The following LAMB1 variants were observed in gnomAD, a reference collection of about 807,000 sequenced individuals.
LAMB1 encodes the protein laminin subunit beta 1.
LAMB1 carries 121 observed loss-of-function variants against 222.3 expected under a neutral mutation model. That is an observed-to-expected ratio of 0.54 (90% confidence interval 0.47 to 0.63). The LOEUF (loss-of-function observed/expected upper bound fraction) is 0.63, where lower values mean the gene tolerates loss of function less well. LAMB1 is among the 30% of genes least tolerant of loss of function. LAMB1 has a pLI of 0.00. For missense variants in LAMB1, 2,172 were observed against 2,240.8 expected (o/e 0.97, Z 0.62); for synonymous variants, 794 against 807.2 (o/e 0.98, Z 0.28).
At position 107,978,152 on chromosome 7, in the gene LAMB1, T is replaced by G. The variant is rs752042998; in HGVS notation, c.895A>C (p.Met299Leu). ...AAGCCCTTGGTGTTATGCCTGCACA[T>G]GCAGTGTCCGTGAACCTTGAAAGTT... is the stretch of plus-strand genomic sequence containing the variant. ...EVEGMVHGHCMCRHNTKGLNC... is the reference protein window; with the variant it reads ...EVEGMVHGHCLCRHNTKGLNC... Residue 299 changes from methionine to leucine, a missense_variant, in exon 9 of 34, where the codon ATG becomes CTG. Met to Leu is a conservative substitution (Grantham distance 15, BLOSUM62 2). Coordinates refer to ENST00000222399, the MANE Select transcript of LAMB1 (RefSeq NM_002291.3). 3 of 1,614,036 alleles carry G rather than the reference T, an allele frequency of 1.9e-6. No individual in the cohort carries two copies. Among genetic ancestry groups the G allele is most frequent in the Admixed American group, 3.3e-5 (2 of 60,012 alleles).
intron 2 of LAMB1, chr7:108,002,038 TCCC>T: frequency 8.3e-6 from 12 of 1,440,788 alleles, no homozygotes; most frequent in Non-Finnish European, 1.1e-5. Context: ...GGGGAGCAGC[TCCC>T]CCAACAAAGG....
At chr7:107,989,698 C>T (rs1002253047) in intron 5 of LAMB1, among the ~76,000 whole-genome samples, 3 of 152,152 alleles carry the variant, frequency 2.0e-5, no homozygotes, top group Non-Finnish European at 4.4e-5. Flanking sequence ...TGGCAAACTC[C>T]CCGTGAGAGC....
intron 7 of LAMB1, among the ~76,000 whole-genome samples, chr7:107,981,433 A>G (rs1262909366): frequency 2.1e-5 from 3 of 143,248 alleles, no homozygotes; most frequent in Admixed American, 7.1e-5. Flanking sequence ...GAACGACAAG[A>G]GCAAAACTGT....
intron 13 of LAMB1, among the ~76,000 whole-genome samples, chr7:107,964,982 T>G (rs976181785): frequency 6.6e-6 from 1 of 152,212 alleles, no homozygotes; most frequent in Non-Finnish European, 1.5e-5. Context: ...TGCTTTGGCA[T>G]GTTACATCTT....
In LAMB1 at chr7:107,985,959, A is replaced by AAAAAC. The variant is rs937323537; in HGVS notation, c.676+58_676+62dup. On this transcript the variant is annotated intron_variant, in intron 7 of 33. Coordinates refer to ENST00000222399, the MANE Select transcript of LAMB1 (RefSeq NM_002291.3). ...GCAACAAGAGCGGAACTCTGTCTCA[A>AAAAAC]AAAACAAAACAAAACAAACAAACAA... The AAAAAC allele has an allele frequency of 1.6e-4, 220 of 1,364,382 alleles. 1 individual carries two copies. In the East Asian group the frequency reaches 4.7e-3, roughly 29 times the overall value. 84.5% of individuals were successfully genotyped at this position (1,364,382 alleles called of 1,614,324 possible). A position where few individuals can be genotyped will look rare whatever the true frequency, so the allele number is the denominator to read the frequency against.
At chr7:107,959,950 T>A in intron 18 of LAMB1, 116 bp from the exon 19 acceptor site, 9 of 1,369,576 alleles carry the variant, frequency 6.6e-6, no homozygotes, top group Non-Finnish European at 8.8e-6. Flanking sequence ...TAAAACAGTA[T>A]CATCCCTATG....
intron 7 of LAMB1, among the ~76,000 whole-genome samples, chr7:107,984,642 T>A (rs1003536987): frequency 1.3e-5 from 2 of 152,174 alleles, no homozygotes; most frequent in Non-Finnish European, 2.9e-5. Flanking sequence ...ACTCTAACCA[T>A]GTGAATAAAC....
At position 107,932,155 on chromosome 7, in the gene LAMB1, A is replaced by AT; in HGVS notation, c.4392+18_4392+19insA. Reference sequence around the variant, plus strand: ...AAGCAAACATACATAACAAAAACTGAGGCCATCCACTGAGTTACCATCTTG... The same window carrying AT: ...AAGCAAACATACATAACAAAAACTGATGGCCATCCACTGAGTTACCATCTTG... On this transcript the variant is annotated intron_variant, in intron 28 of 33. Transcript: ENST00000222399. 1 of 1,611,454 alleles carries AT rather than the reference A, an allele frequency of 6.2e-7. No homozygotes were observed. Among genetic ancestry groups the AT allele is most frequent in the Non-Finnish European group, 8.5e-7 (1 of 1,177,506 alleles).
At chr7:107,948,368 G>A (rs1471235191) in intron 24 of LAMB1, among the ~76,000 whole-genome samples, 2 of 152,132 alleles carry the variant, frequency 1.3e-5, no homozygotes, top group Non-Finnish European at 2.9e-5. Flanking sequence ...TGGGGAAAGG[G>A]GCTTTCTGGT....
rs2033956878 is a variant in LAMB1 at position 107,980,805 on chromosome 7, A to C, written c.683T>G (p.Leu228Ter). 6.2e-7 allele frequency: 1 copy of C among 1,601,160 alleles called. No homozygotes were observed. The highest frequency in any genetic ancestry group is 1.3e-5 in the African/African-American group (1 of 74,660). ...DPYSPRIQNL[L>*]KITNLRIKFV... ...CTTGATTCTCAAGTTGGTAATTTTT[A>C]ATAAATCTAGGAAGGTCATCAAGAA... Residue 228 changes from leucine (L) to a stop codon, truncating the protein, a stop_gained, in exon 8 of 34, where the codon TTA becomes TGA. Coordinates refer to ENST00000222399, the MANE Select transcript of LAMB1 (RefSeq NM_002291.3). LOFTEE classifies it high-confidence loss of function.
chr7:107,999,722 G>A (rs2034347157), intron 3 of LAMB1: 1 of 148,678 alleles, frequency 6.7e-6, no homozygotes, highest in Non-Finnish European at 1.5e-5. Context: ...CTTCACAAAT[G>A]CATGGCTAAT....
chr7:107,928,908 T>C (rs975709818), intron 31 of LAMB1, among the ~76,000 whole-genome samples, 156 bp downstream of exon 31: 1 of 152,238 alleles, frequency 6.6e-6, no homozygotes, highest in African/African-American at 2.4e-5. Flanking sequence ...TCTCCACTTA[T>C]TTTTAGCATC....
Position 107,937,112 on chromosome 7 carries a change from G to T in LAMB1, c.3927C>A (p.Ile1309=). Residue 1309 remains isoleucine (I), a synonymous_variant, in exon 26 of 34, where the codon ATC becomes ATA. Transcript: ENST00000222399. ...VKELAEQLEF[I]KNSDIRGALD... ...GCTCACCCCGAATATCTGAGTTTTT[G>T]ATAAATTCCAGTTGTTCAGCAAGTT... 6.2e-7 allele frequency: 1 copy of T among 1,613,624 alleles called. No homozygotes were observed. Among genetic ancestry groups the T allele is most frequent in the Non-Finnish European group, 8.5e-7 (1 of 1,179,812 alleles).
chr7:107,960,668 G>A lies in LAMB1; in HGVS notation c.2110-19C>T, dbSNP rs757139302. ...GAACAAGCTGTGAAGAAATGAGAAC[G>A]GCCAAACATCCTTACAGTGGTGCCC... On this transcript the variant is annotated intron_variant, in intron 17 of 33. Transcript: ENST00000222399. The A allele has an allele frequency of 6.8e-5, 109 of 1,607,948 alleles. No individual in the cohort carries two copies. The highest frequency in any genetic ancestry group is 8.7e-5 in the Non-Finnish European group (102 of 1,174,564).
chr7:107,953,821 C>T (rs943699895), intron 21 of LAMB1, 67 bp from the exon 22 acceptor site: 2 of 1,353,746 alleles, frequency 1.5e-6, no homozygotes, highest in Non-Finnish European at 2.1e-6. Flanking sequence ...AGTGCACCGA[C>T]ACTCATGCCT....
At chr7:107,988,499 G>A (rs1440307539) in intron 5 of LAMB1, among the ~76,000 whole-genome samples, 2 of 152,180 alleles carry the variant, frequency 1.3e-5, no homozygotes, top group Non-Finnish European at 2.9e-5. Flanking sequence ...CTGTGCTCTA[G>A]AAAAACGTAT....
Position 107,994,873 on chromosome 7 carries a change from C to A in LAMB1, c.423+14G>T. 6.7e-7 allele frequency: 1 copy of A among 1,496,304 alleles called. No individual in the cohort carries two copies. Among genetic ancestry groups the A allele is most frequent in the South Asian group, 1.1e-5 (1 of 87,916 alleles). The allele number at this position is 1,496,304 out of a possible 1,614,324, so 92.7% of individuals were successfully genotyped here. ...TCTCATGTGTCATTTGTGAGAAAGT[C>A]ATGGATTTCTTACCTTGAAAGTCAT... On this transcript the variant is annotated intron_variant, in intron 5 of 33. Coordinates refer to ENST00000222399, the MANE Select transcript of LAMB1 (RefSeq NM_002291.3).
At chr7:107,987,751 C>T (rs530425675) in intron 5 of LAMB1, among the ~76,000 whole-genome samples, 7 of 152,328 alleles carry the variant, frequency 4.6e-5, no homozygotes, top group Middle Eastern at 6.8e-3. Flanking sequence ...ATCCACCTGC[C>T]TTGGCCTCCC....
chr7:107,926,499 C>T, intron 31 of LAMB1, 140 bp from the exon 32 acceptor site: 1 of 638,442 alleles, frequency 1.6e-6, no homozygotes. Context: ...AAGAATATTT[C>T]AGGAAAAGTT....
Sources: gnomAD v4.1 joint callset for allele counts (sites outside exome capture counted in the v4.1 genomes callset) on GRCh38, gnomAD v4.1.1 for gene constraint, MANE v1.5 for transcripts, NCBI Gene and HGNC (gene_info 2026-07-23, HGNC 2026-07-21) for gene names.